CRPPA: variants seen among roughly 807,000 people sequenced by gnomAD.
CRPPA encodes the protein CDP-L-ribitol pyrophosphorylase A, also known as D-ribitol-5-phosphate cytidylyltransferase.
A neutral mutation model predicts 52.0 loss-of-function variants in CRPPA; 43 were observed. The ratio of observed to expected loss-of-function variants is 0.83; its 90% CI spans 0.65 to 1.07. CRPPA has a LOEUF of 1.07. Among genes scored for constraint, CRPPA ranks in the 50% least tolerant of loss-of-function variants. The pLI is 0.00. For missense variants in CRPPA, 629 were observed against 551.7 expected, an observed-to-expected ratio of 1.14 and a Z score of -1.40; for synonymous variants, 250 against 203.5, an observed-to-expected ratio of 1.23 and a Z score of -1.94.
chr7:16,272,342 G>C (rs1784109311), intron 6 of CRPPA, among the ~76,000 whole-genome samples: 1 of 152,162 alleles, frequency 6.6e-6, no homozygotes, highest in Non-Finnish European at 1.5e-5. Flanking sequence ...TGTAAGGTAT[G>C]TTGCAAAATT....
chr7:16,368,381 T>G (rs1786663860), intron 3 of CRPPA, among the ~76,000 whole-genome samples: 1 of 152,212 alleles, frequency 6.6e-6, no homozygotes, highest in Non-Finnish European at 1.5e-5. Context: ...TCTCCAATCT[T>G]AATAAAATAA....
chr7:16,236,376 G>A (rs1224676196), intron 8 of CRPPA, among the ~76,000 whole-genome samples: 2 of 152,060 alleles, frequency 1.3e-5, no homozygotes, highest in African/African-American at 2.4e-5. Context: ...GTAGAATTAA[G>A]CTTAAGTATT....
At chr7:16,239,559 C>CA (rs751232682) in intron 8 of CRPPA, among the ~76,000 whole-genome samples, 19,592 of 47,410 alleles carry the variant, frequency 0.41, 4,639 homozygotes, top group Non-Finnish European at 0.52. Flanking sequence ...AAGTCAATAG[C>CA]AAAAAAAAAA....
intron 3 of CRPPA, among the ~76,000 whole-genome samples, chr7:16,335,046 G>A (rs1785643737): frequency 6.7e-6 from 1 of 149,948 alleles, no homozygotes; most frequent in African/African-American, 2.5e-5. Context: ...CAGGCCAGGT[G>A]AAGTGGCTCA....
At chr7:16,291,317 A>C (rs185113691) in intron 5 of CRPPA, among the ~76,000 whole-genome samples, 1 of 152,172 alleles carries the variant, frequency 6.6e-6, no homozygotes, top group Admixed American at 6.5e-5. Flanking sequence ...TCTTCATAAT[A>C]GCCAATATAC....
chr7:16,409,431 G>A (rs1788028777), intron 1 of CRPPA, among the ~76,000 whole-genome samples: 1 of 152,174 alleles, frequency 6.6e-6, no homozygotes, highest in African/African-American at 2.4e-5. Flanking sequence ...GAGGAGAAAG[G>A]ATTCAGCAAA....
chr7:16,286,964 TA>T (rs1399552646), intron 5 of CRPPA, among the ~76,000 whole-genome samples: 1 of 152,204 alleles, frequency 6.6e-6, no homozygotes, highest in African/African-American at 2.4e-5. Context: ...AAAAGAGCCA[TA>T]CCAGTTCCTT....
intron 6 of CRPPA, among the ~76,000 whole-genome samples, chr7:16,264,518 A>C (rs1483228974): frequency 6.6e-6 from 1 of 152,232 alleles, no homozygotes; most frequent in Non-Finnish European, 1.5e-5. Context: ...TGGATTGTCA[A>C]AAAAGTTTTC....
intron 9 of CRPPA, among the ~76,000 whole-genome samples, chr7:16,128,441 G>C (rs961937690): frequency 6.6e-6 from 1 of 152,048 alleles, no homozygotes; most frequent in Non-Finnish European, 1.5e-5. Context: ...AATCTGAAGA[G>C]TTTTTAAATG....
chr7:16,346,534 T>G (rs762692407), intron 3 of CRPPA, among the ~76,000 whole-genome samples: 2 of 151,846 alleles, frequency 1.3e-5, no homozygotes, highest in African/African-American at 4.8e-5. Context: ...AAAAAAATGA[T>G]AAGAAAAGCT....
chr7:16,412,440 C>CA (rs987474386), intron 1 of CRPPA, among the ~76,000 whole-genome samples: 3 of 151,662 alleles, frequency 2.0e-5, no homozygotes, highest in Admixed American at 6.6e-5. Flanking sequence ...TGTAACAGGT[C>CA]AAAAAAAAGT....
At chr7:16,244,991 A>G (rs1396287657) in intron 8 of CRPPA, among the ~76,000 whole-genome samples, 1 of 151,482 alleles carries the variant, frequency 6.6e-6, no homozygotes, top group Non-Finnish European at 1.5e-5. Context: ...AAGTGATCAC[A>G]CTCCTTTTGA....
chr7:16,405,173 G>C (rs1371208306), intron 2 of CRPPA, among the ~76,000 whole-genome samples: 1 of 151,386 alleles, frequency 6.6e-6, no homozygotes, highest in African/African-American at 2.4e-5. Context: ...TATAATCTTA[G>C]AGGAAACTAT....
intron 3 of CRPPA, among the ~76,000 whole-genome samples, chr7:16,334,355 A>G (rs1277940209): frequency 6.6e-6 from 1 of 152,152 alleles, no homozygotes; most frequent in Non-Finnish European, 1.5e-5. Context: ...CCTCCAAGGT[A>G]GGAGGTACCA....
At chr7:16,415,900 T>G (rs1312446157) in intron 1 of CRPPA, among the ~76,000 whole-genome samples, 1 of 152,196 alleles carries the variant, frequency 6.6e-6, no homozygotes, top group Non-Finnish European at 1.5e-5. Flanking sequence ...TTTAGGAATT[T>G]GGGGCCAAAG....
intron 2 of CRPPA, among the ~76,000 whole-genome samples, chr7:16,386,132 G>T (rs371832684): frequency 6.6e-6 from 1 of 151,900 alleles, no homozygotes; most frequent in African/African-American, 2.4e-5. Context: ...GGTGGAGGTG[G>T]TCTCGGTAGG....
At chr7:16,380,171 C>T (rs1787039304) in intron 2 of CRPPA, among the ~76,000 whole-genome samples, 1 of 151,154 alleles carries the variant, frequency 6.6e-6, no homozygotes, top group African/African-American at 2.4e-5. Context: ...CCCATCAATA[C>T]CTAATTTATT....
At chr7:16,299,855 C>A (rs895399020) in intron 5 of CRPPA, among the ~76,000 whole-genome samples, 1 of 152,136 alleles carries the variant, frequency 6.6e-6, no homozygotes, top group African/African-American at 2.4e-5. Context: ...TTTTAAGAAG[C>A]CTCTGATAAT....
chr7:16,233,812 T>C (rs1583452602), intron 8 of CRPPA, among the ~76,000 whole-genome samples: 1 of 152,146 alleles, frequency 6.6e-6, no homozygotes, highest in East Asian at 1.9e-4. Flanking sequence ...ATGAGTGAAA[T>C]ATCAAATTCT....
Sources: allele counts gnomAD v4.1 joint callset (sites outside exome capture counted in the v4.1 genomes callset), GRCh38; gene constraint gnomAD v4.1.1; transcripts MANE v1.5; gene names NCBI Gene and HGNC (gene_info 2026-07-23, HGNC 2026-07-21).